Variants in KATNBL1 observed in about 807,000 individuals in gnomAD.
The protein encoded by KATNBL1 is KATNB1-like protein 1.
A neutral mutation model predicts 44.7 loss-of-function variants in KATNBL1; 28 were observed. The ratio of observed to expected loss-of-function variants is 0.63; its 90% confidence interval spans 0.46 to 0.86. The LOEUF (loss-of-function observed/expected upper bound fraction) is 0.86, where lower values mean the gene tolerates loss of function less well. Ranked by LOEUF, KATNBL1 falls within the 40% of genes least tolerant of loss-of-function variation. The pLI is 0.00. For missense variants in KATNBL1, 272 were observed against 350.7 expected, an observed-to-expected ratio of 0.78 and a Z score of 1.79; for synonymous variants, 78 against 114.9, an observed-to-expected ratio of 0.68 and a Z score of 2.06.
chr15:34,167,843 T>G (rs1352537956), intron 1 of KATNBL1, among the ~76,000 whole-genome samples: 1 of 152,126 alleles, frequency 6.6e-6, no homozygotes, highest in Non-Finnish European at 1.5e-5. Context: ...AAACTAAGCT[T>G]CATAAGTGAA....
chr15:34,163,727 A>G, intron 1 of KATNBL1, 37 bp from the exon 2 acceptor site: 1 of 1,208,404 alleles, frequency 8.3e-7, no homozygotes, highest in Non-Finnish European at 1.2e-6. Context: ...TAAAACAGCA[A>G]AAAGAGTCTG....
intron 1 of KATNBL1, among the ~76,000 whole-genome samples, chr15:34,197,507 G>A (rs1890057432): frequency 6.6e-6 from 1 of 152,234 alleles, no homozygotes; most frequent in Non-Finnish European, 1.5e-5. Flanking sequence ...TTTGGTGTAA[G>A]AAACATGATT....
intron 1 of KATNBL1, among the ~76,000 whole-genome samples, chr15:34,179,789 C>A (rs556120544): frequency 6.6e-6 from 1 of 152,290 alleles, no homozygotes; most frequent in East Asian, 1.9e-4. Flanking sequence ...GGTGCTCCCC[C>A]CCACCATCAC....
intron 1 of KATNBL1, among the ~76,000 whole-genome samples, chr15:34,194,749 G>C (rs542851050): frequency 1.3e-5 from 2 of 152,270 alleles, no homozygotes; most frequent in African/African-American, 4.8e-5. Flanking sequence ...CAGACAATCA[G>C]ACAACTGAAC....
chr15:34,205,242 T>G (rs990330648), intron 1 of KATNBL1, among the ~76,000 whole-genome samples: 1 of 152,178 alleles, frequency 6.6e-6, no homozygotes, highest in African/African-American at 2.4e-5. Context: ...ACCGCCCACG[T>G]AGGCCTCCCA....
intron 1 of KATNBL1, among the ~76,000 whole-genome samples, chr15:34,177,042 T>TGG (rs770475099): frequency 5.2e-3 from 10 of 1,926 alleles, no homozygotes; most frequent in Admixed American, 0.015. Context: ...AAACTGGCAA[T>TGG]TATCATTGCC....
At chr15:34,157,978 C>T (rs1444522965) in intron 2 of KATNBL1, among the ~76,000 whole-genome samples, 2 of 152,140 alleles carry the variant, frequency 1.3e-5, no homozygotes, top group African/African-American at 2.4e-5. Context: ...ATAGCTTCTA[C>T]CCAATGAGTA....
At chr15:34,195,301 T>G (rs941615387) in intron 1 of KATNBL1, among the ~76,000 whole-genome samples, 1 of 152,148 alleles carries the variant, frequency 6.6e-6, no homozygotes, top group Non-Finnish European at 1.5e-5. Context: ...TGTAGCAACA[T>G]AGATGGAACT....
At chr15:34,189,154 C>A (rs1011251041) in intron 1 of KATNBL1, among the ~76,000 whole-genome samples, 1 of 152,004 alleles carries the variant, frequency 6.6e-6, no homozygotes, top group African/African-American at 2.4e-5. Flanking sequence ...CCTCTGCCTC[C>A]GGTGGGATTA....
intron 1 of KATNBL1, among the ~76,000 whole-genome samples, chr15:34,169,858 T>C (rs1185625768): frequency 1.3e-5 from 2 of 152,208 alleles, no homozygotes; most frequent in African/African-American, 2.4e-5. Context: ...TCTCAATAGA[T>C]GCAGAAAAGG....
At chr15:34,178,365 C>T (rs1889399835) in intron 1 of KATNBL1, among the ~76,000 whole-genome samples, 1 of 152,134 alleles carries the variant, frequency 6.6e-6, no homozygotes, top group South Asian at 2.1e-4. Context: ...TTTTCTAAGG[C>T]CCACCAGGAG....
intron 2 of KATNBL1, among the ~76,000 whole-genome samples, chr15:34,157,521 G>C (rs114146865): frequency 2.0e-5 from 3 of 152,190 alleles, no homozygotes; most frequent in Non-Finnish European, 4.4e-5. Flanking sequence ...TGAGGCAAGA[G>C]AAAGTGGAAG....
chr15:34,186,181 A>G (rs955114983), intron 1 of KATNBL1, among the ~76,000 whole-genome samples: 1 of 152,152 alleles, frequency 6.6e-6, no homozygotes, highest in African/African-American at 2.4e-5. Flanking sequence ...GTGGGCAACT[A>G]GGTACCATGA....
chr15:34,188,159 A>AAAAAAAAAAAAAAAAAAAAAAAAT (rs1889773993), intron 1 of KATNBL1, among the ~76,000 whole-genome samples: 1 of 148,810 alleles, frequency 6.7e-6, no homozygotes, highest in Non-Finnish European at 1.5e-5. Flanking sequence ...AAAAAAAAAA[A>AAAAAAAAAAAAAAAAAAAAAAAAT]AAAAAAGAAA....
At chr15:34,184,673 C>T (rs1191678266) in intron 1 of KATNBL1, among the ~76,000 whole-genome samples, 1 of 148,914 alleles carries the variant, frequency 6.7e-6, no homozygotes, top group Non-Finnish European at 1.5e-5. Context: ...CCTGGGTTCA[C>T]GCCATTCTCC....
chr15:34,197,096 G>C (rs568691990), intron 1 of KATNBL1, among the ~76,000 whole-genome samples: 32 of 152,320 alleles, frequency 2.1e-4, no homozygotes, highest in African/African-American at 6.0e-4. Flanking sequence ...CCTGCTACTA[G>C]AGGTGGAGAA....
At chr15:34,161,732 C>T (rs8025730) in intron 2 of KATNBL1, among the ~76,000 whole-genome samples, 50,131 of 151,826 alleles carry the variant, frequency 0.33, 8,729 homozygotes, top group African/African-American at 0.46. Flanking sequence ...GCAGTTTCAG[C>T]GGGAAGGATG....
At chr15:34,143,443 C>A (rs138033058) in intron 9 of KATNBL1, among the ~76,000 whole-genome samples, 2 of 151,832 alleles carry the variant, frequency 1.3e-5, no homozygotes, top group African/African-American at 4.8e-5. Flanking sequence ...CCAGCCTGGA[C>A]GACAGAGCGA....
At chr15:34,158,797 C>T (rs1888712498) in intron 2 of KATNBL1, among the ~76,000 whole-genome samples, 1 of 152,178 alleles carries the variant, frequency 6.6e-6, no homozygotes. Context: ...AGGAGTTCCC[C>T]ATTGACTACT....
Sources: gnomAD v4.1 joint callset for allele counts (sites outside exome capture counted in the v4.1 genomes callset) on GRCh38, gnomAD v4.1.1 for gene constraint, MANE v1.5 for transcripts, NCBI Gene and HGNC (gene_info 2026-07-23, HGNC 2026-07-21) for gene names.